Variants in MELK observed in about 807,000 individuals in gnomAD.
MELK encodes maternal embryonic leucine zipper kinase.
MELK carries 81 observed loss-of-function variants against 85.0 expected under a neutral mutation model. The observed-to-expected ratio is 0.95, with a 90% CI of 0.80 to 1.15. The LOEUF (loss-of-function observed/expected upper bound fraction) is 1.15, where lower values mean the gene tolerates loss of function less well. MELK is among the 50% of genes most tolerant of loss of function. The pLI is 0.00. For synonymous variants in MELK, 252 were observed against 265.0 expected (o/e 0.95, Z 0.48); for missense variants, 754 against 777.5 (o/e 0.97, Z 0.36).
intron 17 of MELK, 108 bp from the exon 18 acceptor site, chr9:36,677,052 A>T: frequency 1.1e-6 from 1 of 929,842 alleles, no homozygotes; most frequent in Non-Finnish European, 1.6e-6. Context: ...TACATTGCTT[A>T]ATATGAAATA....
rs753597934 is a variant in MELK at position 36,607,684 on chromosome 9, C to T, written c.666+11C>T. 2 of 1,543,178 alleles carry T rather than the reference C, an allele frequency of 1.3e-6. No homozygotes were observed. Among genetic ancestry groups the T allele is most frequent in the East Asian group, 2.2e-5 (1 of 44,510 alleles). ...TACAAGAAGATTATGGTGAGTATTA[C>T]AAGGCATAGAATTTCAATGTAGAAC... On this transcript the variant is annotated intron_variant, in intron 8 of 17. Transcript: ENST00000298048.
At chr9:36,623,048 C>A (rs1294062143) in intron 8 of MELK, among the ~76,000 whole-genome samples, 1 of 152,222 alleles carries the variant, frequency 6.6e-6, no homozygotes, top group Non-Finnish European at 1.5e-5. Context: ...AACATTAACA[C>A]TATTGGCATT....
chr9:36,628,695 G>T (rs1665870672), intron 8 of MELK, among the ~76,000 whole-genome samples: 1 of 152,092 alleles, frequency 6.6e-6, no homozygotes, highest in African/African-American at 2.4e-5. Context: ...TGGGATTACA[G>T]GCGTGAGCCA....
chr9:36,601,680 T>A (rs1276576203), intron 7 of MELK, among the ~76,000 whole-genome samples: 1 of 152,238 alleles, frequency 6.6e-6, no homozygotes, highest in African/African-American at 2.4e-5. Flanking sequence ...AGGGCTCTTT[T>A]AATTTTGCAA....
rs1189044826 is a variant in MELK at position 36,633,170 on chromosome 9, C to G, written c.804C>G (p.Asn268Lys). The G allele has an allele frequency of 1.2e-6, 2 of 1,605,934 alleles. No individual in the cohort carries two copies. The highest frequency in any genetic ancestry group is 2.3e-5 in the South Asian group (2 of 88,422). ...ATCCCTGGATCATGCAAGATTACAACTATCCTGTTGAGTGGCAAAGCAAGA... is the reference window on the plus strand; with the variant it reads ...ATCCCTGGATCATGCAAGATTACAAGTATCCTGTTGAGTGGCAAAGCAAGA... ...LNHPWIMQDY[N>K]YPVEWQSKNP... Residue 268 changes from asparagine (N) to lysine (K), a missense_variant, in exon 10 of 18, where the codon AAC becomes AAG. Coordinates refer to ENST00000298048, the MANE Select transcript of MELK (RefSeq NM_014791.4).
intron 12 of MELK, among the ~76,000 whole-genome samples, chr9:36,654,572 T>C (rs1410650402): frequency 1.3e-5 from 2 of 151,904 alleles, no homozygotes; most frequent in Non-Finnish European, 2.9e-5. Flanking sequence ...GTCAGGCTGG[T>C]CTCGAACTCC....
At chr9:36,670,625 A>G (rs1228809748) in intron 15 of MELK, among the ~76,000 whole-genome samples, 1 of 151,630 alleles carries the variant, frequency 6.6e-6, no homozygotes, top group African/African-American at 2.4e-5. Flanking sequence ...GTACATTAAT[A>G]TATTATCTAT....
At chr9:36,573,503 A>C (rs1239404195) in intron 1 of MELK, among the ~76,000 whole-genome samples, 1 of 151,800 alleles carries the variant, frequency 6.6e-6, no homozygotes, top group Non-Finnish European at 1.5e-5. Flanking sequence ...CTAAAAGGGG[A>C]ATTTTTTTTC....
intron 7 of MELK, among the ~76,000 whole-genome samples, chr9:36,602,784 C>T (rs1463817795): frequency 1.3e-5 from 2 of 152,048 alleles, no homozygotes; most frequent in African/African-American, 2.4e-5. Context: ...GTCTCTAACT[C>T]CCGACCCCAG....
intron 15 of MELK, among the ~76,000 whole-genome samples, chr9:36,670,588 T>C (rs1287862496): frequency 6.6e-6 from 1 of 151,354 alleles, no homozygotes; most frequent in Non-Finnish European, 1.5e-5. Context: ...TTGATGTATA[T>C]ATATCAGTGT....
At chr9:36,607,482 C>A (rs368016682) in intron 7 of MELK, 93 bp from the exon 8 acceptor site, 4 of 925,610 alleles carry the variant, frequency 4.3e-6, no homozygotes, top group Non-Finnish European at 5.1e-6. Flanking sequence ...TTTAGCTTTG[C>A]GACAATTCTG....
intron 11 of MELK, among the ~76,000 whole-genome samples, chr9:36,644,189 C>T (rs1403196341): frequency 1.3e-5 from 2 of 149,240 alleles, no homozygotes; most frequent in Admixed American, 6.8e-5. Context: ...GATGCTCAGT[C>T]TCTAGATCAT....
At chr9:36,604,471 A>T (rs1825276554) in intron 7 of MELK, among the ~76,000 whole-genome samples, 1 of 150,778 alleles carries the variant, frequency 6.6e-6, no homozygotes, top group Non-Finnish European at 1.5e-5. Flanking sequence ...GCTAATTTTT[A>T]TATTTTTAGT....
rs139111172 is a variant in MELK at position 36,605,712 on chromosome 9, C to A, written c.568-1863C>A. 9.2e-3 allele frequency among the ~76,000 whole-genome samples: 1,394 copies of A among 151,550 alleles called. 21 individuals carry two copies. The highest frequency in any genetic ancestry group is 0.065 in the Middle Eastern group (19 of 294). On this transcript the variant is annotated intron_variant, in intron 7 of 17. Coordinates refer to ENST00000298048, the MANE Select transcript of MELK (RefSeq NM_014791.4). Reference sequence around the variant, plus strand: ...TAATAATTTGATATGATTTGGTAGACAGGACTAGGGGTTAGATTTGGCTTA... The same window carrying A: ...TAATAATTTGATATGATTTGGTAGAAAGGACTAGGGGTTAGATTTGGCTTA...
At chr9:36,664,905 C>G (rs895519937) in intron 13 of MELK, among the ~76,000 whole-genome samples, 4 of 152,218 alleles carry the variant, frequency 2.6e-5, no homozygotes, top group Admixed American at 2.6e-4. Flanking sequence ...TACTCTCTTG[C>G]AAGCTCAACC....
chr9:36,593,150 T>C (rs1248119500), intron 4 of MELK, among the ~76,000 whole-genome samples: 1 of 152,080 alleles, frequency 6.6e-6, no homozygotes, highest in African/African-American at 2.4e-5. Context: ...GGACATTGTT[T>C]CATATCAGTT....
chr9:36,647,213 G>A (rs34162601), intron 11 of MELK, among the ~76,000 whole-genome samples: 5 of 152,152 alleles, frequency 3.3e-5, no homozygotes, highest in Non-Finnish European at 7.4e-5. Context: ...AAAACTCTTA[G>A]CACTATCCAG....
chr9:36,584,092 G>A (rs1271144011), intron 3 of MELK, among the ~76,000 whole-genome samples: 1 of 151,256 alleles, frequency 6.6e-6, no homozygotes, highest in African/African-American at 2.4e-5. Context: ...TGCAAGCTCC[G>A]CCTCCCGGGT....
intron 11 of MELK, among the ~76,000 whole-genome samples, chr9:36,644,021 C>T (rs762408864): frequency 1.3e-5 from 2 of 151,764 alleles, no homozygotes; most frequent in Non-Finnish European, 2.9e-5. Flanking sequence ...AGTTCTCTAA[C>T]ATGCAACTGG....
Sources: allele counts gnomAD v4.1 joint callset (sites outside exome capture counted in the v4.1 genomes callset), GRCh38; gene constraint gnomAD v4.1.1; transcripts MANE v1.5; gene names NCBI Gene and HGNC (gene_info 2026-07-23, HGNC 2026-07-21).